The following PLCB1 variants were observed in gnomAD, a reference collection of about 807,000 sequenced individuals.
PLCB1 encodes 1-phosphatidylinositol 4,5-bisphosphate phosphodiesterase beta-1.
Under a neutral mutation model 161.8 loss-of-function variants are expected in PLCB1, and 46 were observed. The ratio of observed to expected loss-of-function variants is 0.28; its 90% CI spans 0.22 to 0.36. The LOEUF is 0.36. Ranked by LOEUF, PLCB1 falls within the 10% of genes least tolerant of loss-of-function variation. The probability of loss-of-function intolerance (pLI) is 1.00; values close to 1 mark genes in which losing one functional copy is unlikely to be tolerated. For synonymous variants in PLCB1, 517 were observed against 503.7 expected (o/e 1.03, Z -0.35); for missense variants, 1,016 against 1,472.5 (o/e 0.69, Z 5.07).
chr20:8,275,288 A>T lies in PLCB1; in HGVS notation c.178-96094A>T, dbSNP rs1212062519. Among the ~76,000 whole-genome samples the T allele has an allele frequency of 2.0e-4, 8 of 39,550 alleles. No individual in the cohort carries two copies. In the South Asian group the frequency reaches 2.4e-3, roughly 12 times the overall value. The allele number at this position is 39,550 out of a possible 152,430, so 25.9% of individuals were successfully genotyped here. On this transcript the variant is annotated intron_variant, in intron 2 of 31. Transcript: ENST00000338037. ...GTGTGTGTGTGTGTGTGTGTGTGTG[A>T]AGCGGCACATGGTCAGGCTTCATTA... is the stretch of plus-strand genomic sequence containing the variant.
intron 31 of PLCB1, among the ~76,000 whole-genome samples, chr20:8,815,907 A>G (rs1985067313): frequency 6.6e-6 from 1 of 152,234 alleles, no homozygotes; most frequent in Admixed American, 6.5e-5. Flanking sequence ...ACAAAACAAC[A>G]GAAACCATAA....
intron 3 of PLCB1, among the ~76,000 whole-genome samples, chr20:8,563,257 G>A (rs1237245872): frequency 6.6e-6 from 1 of 151,966 alleles, no homozygotes; most frequent in African/African-American, 2.4e-5. Context: ...GGTTCTGGTG[G>A]AAGTAGTATA....
intron 2 of PLCB1, among the ~76,000 whole-genome samples, chr20:8,249,997 C>T (rs1252402599): frequency 6.6e-6 from 1 of 151,922 alleles, no homozygotes; most frequent in Non-Finnish European, 1.5e-5. Context: ...GATTTACTGT[C>T]ATTGTTTTAG....
chr20:8,415,631 A>G (rs1979235642), intron 3 of PLCB1, among the ~76,000 whole-genome samples: 1 of 152,226 alleles, frequency 6.6e-6, no homozygotes, highest in Non-Finnish European at 1.5e-5. Context: ...TCTTGGGGCC[A>G]TCTGAGAGGC....
At chr20:8,806,888 T>G (rs1984564720) in intron 31 of PLCB1, among the ~76,000 whole-genome samples, 4 of 152,218 alleles carry the variant, frequency 2.6e-5, no homozygotes, top group Admixed American at 2.6e-4. Context: ...CTTTGGAACC[T>G]GTGACAGGTG....
intron 31 of PLCB1, among the ~76,000 whole-genome samples, chr20:8,821,134 A>G (rs1985330539): frequency 6.6e-6 from 1 of 152,086 alleles, no homozygotes; most frequent in Non-Finnish European, 1.5e-5. Flanking sequence ...CTCAATATTG[A>G]AGAGATCAAA....
At chr20:8,831,912 C>CTCTTTCTTTCTTTCTTTCTTTCTT (rs1188505689) in intron 31 of PLCB1, among the ~76,000 whole-genome samples, 3 of 58,672 alleles carry the variant, frequency 5.1e-5, no homozygotes, top group African/African-American at 1.8e-4. Context: ...CTCTTTCTTT[C>CTCTTTCTTTCTTTCTTTCTTTCTT]TCTTTCTTTC....
intron 3 of PLCB1, among the ~76,000 whole-genome samples, chr20:8,585,905 C>A (rs769099438): frequency 2.0e-5 from 3 of 152,108 alleles, no homozygotes; most frequent in Admixed American, 6.5e-5. Context: ...TCATTAATAC[C>A]CCTCAGTGGT....
intron 31 of PLCB1, among the ~76,000 whole-genome samples, chr20:8,826,044 C>T (rs1331790764): frequency 2.0e-5 from 3 of 152,076 alleles, no homozygotes; most frequent in Admixed American, 6.5e-5. Flanking sequence ...CAACGTTGGA[C>T]ATAGTATGAC....
At chr20:8,272,383 G>GA (rs1220871761) in intron 2 of PLCB1, among the ~76,000 whole-genome samples, 1 of 151,716 alleles carries the variant, frequency 6.6e-6, no homozygotes, top group Admixed American at 6.6e-5. Flanking sequence ...ACAAAAGATA[G>GA]AAAAAAAATC....
chr20:8,311,619 A>AT (rs1449505560), intron 2 of PLCB1, among the ~76,000 whole-genome samples: 1 of 152,188 alleles, frequency 6.6e-6, no homozygotes, highest in African/African-American at 2.4e-5. Context: ...TAAACGTATC[A>AT]TTTGTCAGAC....
In PLCB1 at chr20:8,765,158, C is replaced by T; in HGVS notation, c.2730C>T (p.Ile910=). The part of the protein sequence containing the change: ...SVLTEVEAQT[I]EELKQQKSFV... ...TTGCAGAAGTGGAAGCACAGACCAT[C>T]GAAGAACTAAAGCAACAGAAATCGT... is the stretch of plus-strand genomic sequence containing the variant. Residue 910 remains isoleucine (I), a synonymous_variant, in exon 26 of 32, where the codon ATC becomes ATT. Coordinates refer to ENST00000338037, the MANE Select transcript of PLCB1 (RefSeq NM_015192.4). 6.8e-6 allele frequency: 11 copies of T among 1,613,382 alleles called. No individual in the cohort carries two copies. Among genetic ancestry groups the T allele is most frequent in the East Asian group, 2.2e-5 (1 of 44,850 alleles).
In PLCB1 at chr20:8,620,130, A is replaced by G. The variant is rs371930958; in HGVS notation, c.247-8164A>G. Reference sequence around the variant, plus strand: ...TTACAGCATTAGTGTGGTGATCAAAATCAAATCTGCAAACTCTAATGTGTC... The same window carrying G: ...TTACAGCATTAGTGTGGTGATCAAAGTCAAATCTGCAAACTCTAATGTGTC... On this transcript the variant is annotated intron_variant, in intron 3 of 31. Transcript: ENST00000338037. 1.5e-3 allele frequency among the ~76,000 whole-genome samples: 225 copies of G among 152,302 alleles called. 1 individual carries two copies. Among genetic ancestry groups the G allele is most frequent in the African/African-American group, 5.1e-3 (211 of 41,568 alleles).
chr20:8,739,716 CTG>C (rs1980774415), intron 21 of PLCB1, among the ~76,000 whole-genome samples: 2 of 152,222 alleles, frequency 1.3e-5, no homozygotes, highest in Non-Finnish European at 2.9e-5. Context: ...TGCGCTCACT[CTG>C]GGGTCCAGGC....
intron 2 of PLCB1, among the ~76,000 whole-genome samples, chr20:8,318,306 G>A (rs149525404): frequency 0.011 from 1,598 of 152,134 alleles, 16 homozygotes; most frequent in South Asian, 0.02. Context: ...TTCCTAACCT[G>A]ATTTTCTAGT....
intron 3 of PLCB1, among the ~76,000 whole-genome samples, chr20:8,396,187 A>C (rs1019730026): frequency 6.6e-6 from 1 of 152,098 alleles, no homozygotes; most frequent in African/African-American, 2.4e-5. Context: ...AAAACCATAT[A>C]ACTACAGAAG....
At chr20:8,302,546 A>G (rs1489821855) in intron 2 of PLCB1, among the ~76,000 whole-genome samples, 1 of 152,156 alleles carries the variant, frequency 6.6e-6, no homozygotes, top group East Asian at 1.9e-4. Flanking sequence ...GCTATTTAAA[A>G]CTTTGGCTTT....
chr20:8,229,883 T>A (rs1333604301), intron 2 of PLCB1, among the ~76,000 whole-genome samples: 4 of 34,652 alleles, frequency 1.2e-4, no homozygotes, highest in Admixed American at 4.1e-4. Context: ...TAAAATAAAA[T>A]AAAAATAAAA....
chr20:8,385,554 C>T (rs561772211), intron 3 of PLCB1, among the ~76,000 whole-genome samples: 14 of 152,368 alleles, frequency 9.2e-5, no homozygotes, highest in African/African-American at 3.4e-4. Flanking sequence ...GGCCCCTCCC[C>T]CTGGGAACTT....
Sources: allele counts gnomAD v4.1 joint callset (sites outside exome capture counted in the v4.1 genomes callset), GRCh38; gene constraint gnomAD v4.1.1; transcripts MANE v1.5; gene names NCBI Gene and HGNC (gene_info 2026-07-23, HGNC 2026-07-21).